MAP3K3: variants seen among roughly 807,000 people sequenced by gnomAD.
MAP3K3 encodes the protein MAP/ERK kinase kinase 3.
MAP3K3 carries 12 observed loss-of-function variants against 80.9 expected under a neutral mutation model. The ratio of observed to expected loss-of-function variants is 0.15; its 90% CI spans 0.10 to 0.24. The LOEUF (loss-of-function observed/expected upper bound fraction) is 0.24, where lower values mean the gene tolerates loss of function less well. Ranked by LOEUF, MAP3K3 falls within the 10% of genes least tolerant of loss-of-function variation. The pLI, the probability that MAP3K3 is intolerant of heterozygous loss-of-function variation, is 1.00. For missense variants in MAP3K3, 596 were observed against 834.7 expected, an observed-to-expected ratio of 0.71 and a Z score of 3.52; for synonymous variants, 272 against 307.1, an observed-to-expected ratio of 0.89 and a Z score of 1.19.
At chr17:63,643,661 T>A (rs2034488089) in intron 2 of MAP3K3, among the ~76,000 whole-genome samples, 1 of 152,188 alleles carries the variant, frequency 6.6e-6, no homozygotes, top group African/African-American at 2.4e-5. Context: ...CAGCAAGGTA[T>A]GCTGGGCTGT....
intron 6 of MAP3K3, among the ~76,000 whole-genome samples, chr17:63,680,801 G>T (rs905941021): frequency 6.7e-6 from 1 of 148,294 alleles, no homozygotes. Context: ...TGGGTGTTTT[G>T]GGTTTTTTTT....
intron 6 of MAP3K3, 109 bp downstream of exon 6, chr17:63,667,169 C>G: frequency 7.9e-7 from 1 of 1,264,222 alleles, no homozygotes; most frequent in Non-Finnish European, 1.1e-6. Context: ...TTAACTATTA[C>G]TCTGTGTAGA....
intron 2 of MAP3K3, among the ~76,000 whole-genome samples, chr17:63,633,765 C>G (rs965200237): frequency 3.3e-5 from 5 of 152,164 alleles, no homozygotes; most frequent in African/African-American, 1.2e-4. Flanking sequence ...TAGTGGGTAT[C>G]CAGTGCTGTG....
At chr17:63,677,648 T>G (rs1444621028) in intron 6 of MAP3K3, among the ~76,000 whole-genome samples, 2 of 152,182 alleles carry the variant, frequency 1.3e-5, no homozygotes, top group Non-Finnish European at 1.5e-5. Context: ...AAGCGGCATT[T>G]TGTATTCCTG....
chr17:63,665,197 G>A (rs930471928), intron 5 of MAP3K3, among the ~76,000 whole-genome samples: 1 of 151,932 alleles, frequency 6.6e-6, no homozygotes, highest in African/African-American at 2.4e-5. Context: ...CCAGCTACTC[G>A]GGAGGCCGAC....
At chr17:63,681,220 G>T (rs576914458) in intron 6 of MAP3K3, among the ~76,000 whole-genome samples, 1 of 151,964 alleles carries the variant, frequency 6.6e-6, no homozygotes, top group South Asian at 2.1e-4. Context: ...CATCACGAAG[G>T]CCTTTTTACC....
intron 2 of MAP3K3, among the ~76,000 whole-genome samples, chr17:63,639,609 G>A (rs1042905742): frequency 6.6e-6 from 1 of 152,004 alleles, no homozygotes; most frequent in Non-Finnish European, 1.5e-5. Context: ...GAGCTGAAAT[G>A]TATCCTCACT....
At chr17:63,624,429 C>T (rs1215571749) in intron 1 of MAP3K3, among the ~76,000 whole-genome samples, 1 of 152,122 alleles carries the variant, frequency 6.6e-6, no homozygotes, top group Non-Finnish European at 1.5e-5. Context: ...AGTTAGAGTG[C>T]CCACATGTGT....
chr17:63,661,289 C>T (rs935333343), intron 5 of MAP3K3, among the ~76,000 whole-genome samples: 18 of 152,276 alleles, frequency 1.2e-4, no homozygotes, highest in African/African-American at 2.2e-4. Context: ...TCAAGTGATC[C>T]GCACGCCTCA....
At position 63,639,996 on chromosome 17, in the gene MAP3K3, G is replaced by A. The variant is rs1221609154; in HGVS notation, c.127-6038G>A. 7.2e-5 allele frequency among the ~76,000 whole-genome samples: 11 copies of A among 152,236 alleles called. No homozygotes were observed. The South Asian group carries it at 1.5e-3, about 20-fold the overall frequency. On this transcript the variant is annotated intron_variant, in intron 2 of 15. Coordinates refer to ENST00000361733, the MANE Select transcript of MAP3K3 (RefSeq NM_002401.5). Reference sequence around the variant, plus strand: ...AGAATGGGAAGCAGAGTCTTATACCGGAGGTCTTTGAGAGGAGAATTGAAA... The same window carrying A: ...AGAATGGGAAGCAGAGTCTTATACCAGAGGTCTTTGAGAGGAGAATTGAAA...
intron 1 of MAP3K3, among the ~76,000 whole-genome samples, chr17:63,622,970 G>A (rs929583769): frequency 6.9e-6 from 1 of 145,338 alleles, no homozygotes; most frequent in African/African-American, 2.5e-5. Context: ...CGGCCCGGCC[G>A]GCAGAGCCCG....
intron 5 of MAP3K3, among the ~76,000 whole-genome samples, chr17:63,660,060 A>T (rs912774596): frequency 2.6e-5 from 4 of 152,148 alleles, no homozygotes; most frequent in African/African-American, 9.7e-5. Context: ...CAGATATCAT[A>T]CCTTAAGTAC....
Position 63,689,686 on chromosome 17 carries a change from G to A in MAP3K3, c.1014G>A (p.Ala338=), listed in dbSNP as rs55880609. The A allele has an allele frequency of 6.8e-4, 1,100 of 1,613,920 alleles. 18 individuals carry two copies. The East Asian group carries it at 0.023, about 33-fold the overall frequency. The change falls in exon 11 of 16, where the codon GCG becomes GCA. Residue 338 remains alanine, a synonymous_variant. Transcript: ENST00000361733. The surrounding 1 kb of genome is among the most constrained non-coding windows in gnomAD (Gnocchi z 4.3). ...ACCCCCGTGGGCGCCTGCGGAGTGC[G>A]GACAGCGAGAATGCCCTCTCTGTGC... The part of the protein sequence containing the change: ...YLDPRGRLRS[A]DSENALSVQE...
At position 63,691,081 on chromosome 17, in the gene MAP3K3, G is replaced by A. The variant is rs370304509; in HGVS notation, c.1213-21G>A. ...GAACTAGGGCCCTGAGAGCTGAGGC[G>A]ACCACTGACCCCTCCCCTAGGAGGT... On this transcript the variant is annotated intron_variant, in intron 12 of 15. Coordinates refer to ENST00000361733, the MANE Select transcript of MAP3K3 (RefSeq NM_002401.5). This position sits in a 1 kb window ranked among gnomAD's most constrained non-coding sequence, Gnocchi z 4.8. 6.8e-5 allele frequency: 110 copies of A among 1,613,136 alleles called. No homozygotes were observed. The highest frequency in any genetic ancestry group is 9.0e-5 in the Non-Finnish European group (106 of 1,179,826).
Position 63,693,415 on chromosome 17 carries a change from C to T in MAP3K3, c.1653-134C>T, listed in dbSNP as rs2035633032. ...AAGCCCACGTGGACAGACATCCAAGCTGAGGTATCCCTCAGCTTGGCCTGT... is the reference window on the plus strand; with the variant it reads ...AAGCCCACGTGGACAGACATCCAAGTTGAGGTATCCCTCAGCTTGGCCTGT... On this transcript the variant is annotated intron_variant, in intron 15 of 15. Coordinates refer to ENST00000361733, the MANE Select transcript of MAP3K3 (RefSeq NM_002401.5). This position sits in a 1 kb window ranked among gnomAD's most constrained non-coding sequence, Gnocchi z 4.2. 4.4e-6 allele frequency: 3 copies of T among 685,688 alleles called. No homozygotes were observed. Among genetic ancestry groups the T allele is most frequent in the Admixed American group, 3.0e-5 (1 of 33,872 alleles). 42.5% of individuals were successfully genotyped at this position (685,688 alleles called of 1,614,324 possible).
At chr17:63,633,959 AG>A (rs1170998057) in intron 2 of MAP3K3, among the ~76,000 whole-genome samples, 1 of 152,144 alleles carries the variant, frequency 6.6e-6, no homozygotes, top group Non-Finnish European at 1.5e-5. Context: ...TGCTAGATAG[AG>A]CCTTCCAGAG....
chr17:63,688,466 C>A, intron 8 of MAP3K3, 61 bp from the exon 9 acceptor site: 1 of 1,326,812 alleles, frequency 7.5e-7, no homozygotes, highest in South Asian at 1.2e-5. Context: ...ACTGCCTGGA[C>A]GCCCTGCTTG....
chr17:63,653,379 G>T (rs2034698346), intron 4 of MAP3K3, among the ~76,000 whole-genome samples: 1 of 152,136 alleles, frequency 6.6e-6, no homozygotes, highest in Admixed American at 6.6e-5. Flanking sequence ...CAAGAAAGCT[G>T]GGCAACATCA....
At chr17:63,650,495 G>T (rs2143327697) in intron 3 of MAP3K3, among the ~76,000 whole-genome samples, 1 of 151,954 alleles carries the variant, frequency 6.6e-6, no homozygotes, top group South Asian at 2.1e-4. Flanking sequence ...TAGAGATGGG[G>T]TTTTCCCATG....
Sources: allele counts gnomAD v4.1 joint callset (sites outside exome capture counted in the v4.1 genomes callset), GRCh38; gene constraint gnomAD v4.1.1; non-coding constraint Gnocchi (gnomAD v3.1); transcripts MANE v1.5; gene names NCBI Gene and HGNC (gene_info 2026-07-23, HGNC 2026-07-21).